Variants in SPATA13 observed in about 807,000 individuals in gnomAD.
SPATA13 encodes the protein spermatogenesis-associated protein 13.
Under a neutral mutation model 104.0 loss-of-function variants are expected in SPATA13, and 50 were observed. That is an observed-to-expected ratio of 0.48 (90% CI 0.38 to 0.61). The LOEUF is 0.61. Ranked by LOEUF, SPATA13 falls within the 20% of genes least tolerant of loss-of-function variation. The probability of loss-of-function intolerance (pLI) is 0.00; values close to 1 mark genes in which losing one functional copy is unlikely to be tolerated. For missense variants in SPATA13, 1,524 were observed against 1,690.6 expected (o/e 0.90, Z 1.73); for synonymous variants, 606 against 667.5 (o/e 0.91, Z 1.42).
At chr13:24,200,511 A>C (rs9507278) in intron 1 of SPATA13, among the ~76,000 whole-genome samples, 89,904 of 151,704 alleles carry the variant, frequency 0.59, 30,228 homozygotes, top group East Asian at 0.91. Context: ...TCTCAGCCCC[A>C]AGTCTCCCAC....
chr13:24,243,611 C>G (rs192471452), intron 2 of SPATA13, among the ~76,000 whole-genome samples: 1 of 152,144 alleles, frequency 6.6e-6, no homozygotes, highest in Non-Finnish European at 1.5e-5. Context: ...CAGTAAAATT[C>G]TGTGAAGAGT....
Position 24,011,868 on chromosome 13 carries a change from G to T in SPATA13, c.-146-5799G>T, listed in dbSNP as rs527863264. ...CACAGGCAAACTTGGGGGACCATGA[G>T]GGATGATCCCACAGACCCAGAATGC... On this transcript the variant is annotated intron_variant, in intron 2 of 14. Transcript: ENST00000424834. The surrounding 1 kb of genome is among the most constrained non-coding windows in gnomAD (Gnocchi z 4.3). 1.3e-5 allele frequency among the ~76,000 whole-genome samples: 2 copies of T among 152,106 alleles called. No homozygotes were observed. Among genetic ancestry groups the T allele is most frequent in the African/African-American group, 4.8e-5 (2 of 41,576 alleles).
rs1180360489 is a variant in SPATA13, at chr13:24,241,950, A to T, written c.1654-7527A>T. ...TGCCTGTAGTCTCAGCTACTCAGGA[A>T]GCCAAGGTGGGAGGGTCACTTGAGC... On this transcript the variant is annotated intron_variant, in intron 2 of 12. Transcript: ENST00000382108. 3.1e-4 allele frequency among the ~76,000 whole-genome samples: 47 copies of T among 152,034 alleles called. 1 individual carries two copies. Among genetic ancestry groups the T allele is most frequent in the Admixed American group, 3.1e-3 (47 of 15,236 alleles).
intron 1 of SPATA13, among the ~76,000 whole-genome samples, chr13:24,170,945 G>A (rs1199401410): frequency 6.6e-6 from 1 of 152,008 alleles, no homozygotes; most frequent in African/African-American, 2.4e-5. Flanking sequence ...CCAGTGGCCA[G>A]TTACACTTGC....
rs371265729 is a variant in SPATA13 at position 24,224,415 on chromosome 13, G to A, written c.1486G>A (p.Ala496Thr). Residue 496 changes from alanine to threonine, a missense_variant, in exon 2 of 13, where the codon GCG becomes ACG. Ala to Thr is a moderately conservative substitution (Grantham distance 58). Around this residue, in one of 2 missense-constraint regions of SPATA13, gnomAD observed 1,089 missense variants for 1,135.9 expected, o/e 0.96. Coordinates refer to ENST00000382108, the MANE Select transcript of SPATA13 (RefSeq NM_001166271.3). The stretch of plus-strand genomic sequence containing the variant: ...TCACAGCAATCACAGTGCCCTGTCC[G>A]CGAATTCAGAGGAAAGTGAAGGAAG... The part of the protein sequence containing the change: ...SCHSNHSALS[A>T]NSEESEGRAE... 12 of 1,551,712 alleles carry A rather than the reference G, an allele frequency of 7.7e-6. No individual in the cohort carries two copies. The highest frequency in any genetic ancestry group is 7.3e-5 in the East Asian group (3 of 40,922).
At chr13:24,230,959 A>G (rs994677104) in intron 2 of SPATA13, among the ~76,000 whole-genome samples, 3 of 152,166 alleles carry the variant, frequency 2.0e-5, no homozygotes, top group African/African-American at 7.2e-5. Context: ...TCTAATTTGC[A>G]TAACATCAAC....
At chr13:24,268,777 T>A (rs146798432) in intron 4 of SPATA13, among the ~76,000 whole-genome samples, 1,705 of 152,240 alleles carry the variant, frequency 0.011, 10 homozygotes, top group Non-Finnish European at 0.014. Context: ...ATAAAATTTC[T>A]GTAAGAGAAA....
rs528715017 is a variant in SPATA13, at chr13:24,280,488, G to A, written c.2165-3647G>A. Among the ~76,000 whole-genome samples the A allele has an allele frequency of 7.7e-5, 7 of 90,766 alleles. No homozygotes were observed. The South Asian group carries it at 2.8e-3, about 37-fold the overall frequency. 59.5% of individuals were successfully genotyped at this position (90,766 alleles called of 152,430 possible). On this transcript the variant is annotated intron_variant, in intron 4 of 12. Transcript: ENST00000382108. ...CCCAATGCCTTTATTTTACTGAGAT[G>A]CACTTTTTTTTTTTTTTTGGCTCAA...
intron 2 of SPATA13, among the ~76,000 whole-genome samples, chr13:24,014,459 G>A (rs941785640): frequency 2.0e-5 from 3 of 152,242 alleles, no homozygotes; most frequent in African/African-American, 4.8e-5. Context: ...AAGCCTTACC[G>A]ATAATGTGTC....
At chr13:24,009,459 G>A (rs540560221) in intron 2 of SPATA13, among the ~76,000 whole-genome samples, 1 of 152,182 alleles carries the variant, frequency 6.6e-6, no homozygotes, top group Non-Finnish European at 1.5e-5. Flanking sequence ...TTGGGCTACA[G>A]CCTAGTTTTA....
chr13:24,038,379 C>T (rs771237393), intron 3 of SPATA13, among the ~76,000 whole-genome samples: 4 of 152,034 alleles, frequency 2.6e-5, no homozygotes, highest in Non-Finnish European at 5.9e-5. Context: ...CATTGGAGTC[C>T]CAACCATCTG....
intron 3 of SPATA13, among the ~76,000 whole-genome samples, chr13:24,091,725 C>T (rs1250873443): frequency 1.3e-5 from 2 of 152,266 alleles, no homozygotes; most frequent in South Asian, 2.1e-4. Context: ...GCAGGAGAAT[C>T]GCTTGAACCT....
At chr13:24,172,628 G>A (rs2251368) in intron 1 of SPATA13, among the ~76,000 whole-genome samples, 145,673 of 152,302 alleles carry the variant, frequency 0.96, 69,995 homozygotes, top group South Asian at 1. Flanking sequence ...CTTGCATTCA[G>A]TTGGTTTTGC....
rs117968582 is a variant in SPATA13, at chr13:24,007,045, G to A, written c.-146-10622G>A. On this transcript the variant is annotated intron_variant, in intron 2 of 14. Transcript: ENST00000424834. ...TAGGATGCAGTCTGAAGGCCAGCTT[G>A]TGCACAAGGCCTCCCGTCCAGTGTC... Among the ~76,000 whole-genome samples the A allele has an allele frequency of 2.7e-3, 418 of 152,236 alleles. 5 individuals carry two copies. Among genetic ancestry groups the A allele is most frequent in the East Asian group, 0.02 (105 of 5,178 alleles).
chr13:24,275,804 C>T (rs769519210), intron 4 of SPATA13, among the ~76,000 whole-genome samples: 1 of 152,152 alleles, frequency 6.6e-6, no homozygotes, highest in Non-Finnish European at 1.5e-5. Context: ...TGTGATGGCA[C>T]GCACCTGTAA....
chr13:24,054,253 G>A (rs1878462661), intron 3 of SPATA13, among the ~76,000 whole-genome samples: 1 of 152,182 alleles, frequency 6.6e-6, no homozygotes, highest in Admixed American at 6.5e-5. Context: ...ATTTAGCCAG[G>A]AAAAGGGAAG....
chr13:24,006,875 C>G (rs1254985330), intron 2 of SPATA13, among the ~76,000 whole-genome samples: 3 of 152,194 alleles, frequency 2.0e-5, no homozygotes, highest in Non-Finnish European at 4.4e-5. Flanking sequence ...GAGAGGATGC[C>G]CCCGCTCGGC....
intron 3 of SPATA13, among the ~76,000 whole-genome samples, chr13:24,062,185 AC>A (rs1253001289): frequency 5.1e-4 from 78 of 152,372 alleles, no homozygotes; most frequent in African/African-American, 1.9e-3. Flanking sequence ...GACCTCTGGT[AC>A]AGTGTGGCTG....
At chr13:24,100,067 A>G (rs1477690983) in intron 3 of SPATA13, among the ~76,000 whole-genome samples, 2 of 152,142 alleles carry the variant, frequency 1.3e-5, no homozygotes, top group African/African-American at 4.8e-5. Context: ...TCACCTTATA[A>G]TAACTCATTA....
Sources: allele counts gnomAD v4.1 joint callset (sites outside exome capture counted in the v4.1 genomes callset), GRCh38; gene constraint gnomAD v4.1.1; regional missense constraint gnomAD v4.1.1; non-coding constraint Gnocchi (gnomAD v3.1); transcripts MANE v1.5; gene names NCBI Gene and HGNC (gene_info 2026-07-23, HGNC 2026-07-21).